Variants in CLYBL observed in about 807,000 individuals in gnomAD.
CLYBL encodes the protein citramalyl-CoA lyase.
Under a neutral mutation model 38.9 loss-of-function variants are expected in CLYBL, and 31 were observed. The observed-to-expected ratio is 0.80, with a 90% CI of 0.60 to 1.08. The LOEUF is 1.08. Among genes scored for constraint, CLYBL ranks in the 50% least tolerant of loss-of-function variants. The pLI is 0.00. For missense variants in CLYBL, 434 were observed against 411.6 expected, an observed-to-expected ratio of 1.05 and a Z score of -0.47; for synonymous variants, 171 against 158.6, an observed-to-expected ratio of 1.08 and a Z score of -0.59.
At chr13:99,765,417 G>A (rs76385621) in intron 1 of CLYBL, among the ~76,000 whole-genome samples, 2,917 of 152,090 alleles carry the variant, frequency 0.019, 50 homozygotes, top group South Asian at 0.049. Flanking sequence ...TCTGTTTGGT[G>A]TTCTCTAACC....
intron 1 of CLYBL, among the ~76,000 whole-genome samples, chr13:99,704,759 G>C (rs1014659513): frequency 2.6e-5 from 4 of 152,168 alleles, no homozygotes; most frequent in Non-Finnish European, 5.9e-5. Context: ...GCAGGTGATG[G>C]TAGTACACTT....
chr13:99,795,053 T>C (rs1018796875), intron 2 of CLYBL, among the ~76,000 whole-genome samples: 1 of 152,218 alleles, frequency 6.6e-6, no homozygotes, highest in Non-Finnish European at 1.5e-5. Context: ...TTAAATCTTA[T>C]TCTGTACCGG....
At chr13:99,782,776 T>C (rs779272220) in intron 2 of CLYBL, among the ~76,000 whole-genome samples, 4 of 152,186 alleles carry the variant, frequency 2.6e-5, no homozygotes, top group Non-Finnish European at 5.9e-5. Context: ...TTCATGTCTT[T>C]TATCCATTTT....
At chr13:99,680,985 C>A (rs1385793777) in intron 1 of CLYBL, among the ~76,000 whole-genome samples, 17 of 152,146 alleles carry the variant, frequency 1.1e-4, no homozygotes, top group Admixed American at 1.1e-3. Flanking sequence ...TTGAGTTGTC[C>A]TATAAATTAA....
rs139071037 is a variant in CLYBL at position 99,794,378 on chromosome 13, C to T, written c.249+21368C>T. On this transcript the variant is annotated intron_variant, in intron 2 of 8. Coordinates refer to ENST00000339105, the MANE Select transcript of CLYBL (RefSeq NM_206808.5). ...GAGGTTGCAGTGAGCCAAGATTGCA[C>T]CACTGCACTCCAGCGTGGCTGACAA... is the stretch of plus-strand genomic sequence containing the variant. Among the ~76,000 whole-genome samples the T allele has an allele frequency of 4.0e-3, 606 of 152,128 alleles. 3 individuals are homozygous for T. Among genetic ancestry groups the T allele is most frequent in the African/African-American group, 0.014 (575 of 41,504 alleles).
chr13:99,641,621 G>A lies in CLYBL; in HGVS notation c.62+34864G>A, dbSNP rs773886799. ...AGATCAAGACCATCCTGGCTAGCAC[G>A]GTGAAACCCCATCTCTACTAAAAAT... On this transcript the variant is annotated intron_variant, in intron 1 of 8. Transcript: ENST00000339105. Among the ~76,000 whole-genome samples, 9 of 150,708 alleles carry A rather than the reference G, an allele frequency of 6.0e-5. No individual in the cohort carries two copies. In the East Asian group the frequency reaches 1.0e-3, roughly 17 times the overall value.
chr13:99,635,349 T>C (rs1391719603), intron 1 of CLYBL, among the ~76,000 whole-genome samples: 1 of 152,006 alleles, frequency 6.6e-6, no homozygotes, highest in East Asian at 1.9e-4. Flanking sequence ...TTGAGACTTC[T>C]CCAGTGTTTG....
intron 2 of CLYBL, among the ~76,000 whole-genome samples, chr13:99,835,869 C>T (rs1381278183): frequency 2.6e-5 from 4 of 152,078 alleles, no homozygotes; most frequent in Non-Finnish European, 4.4e-5. Context: ...GCACAGTTAA[C>T]CAGGAAGTCC....
intron 2 of CLYBL, among the ~76,000 whole-genome samples, chr13:99,807,112 T>C (rs1279813714): frequency 6.6e-6 from 1 of 152,234 alleles, no homozygotes; most frequent in Non-Finnish European, 1.5e-5. Context: ...AGTAGCCTCC[T>C]GTCTCCAGCC....
chr13:99,799,377 T>TCACACACACACACACA (rs142411916), intron 2 of CLYBL, among the ~76,000 whole-genome samples: 12,170 of 150,168 alleles, frequency 0.081, 866 homozygotes, highest in African/African-American at 0.19. Flanking sequence ...ATACACACAT[T>TCACACACACACACACA]CACACACACA....
At chr13:99,836,065 G>T (rs2139098218) in intron 2 of CLYBL, among the ~76,000 whole-genome samples, 1 of 152,268 alleles carries the variant, frequency 6.6e-6, no homozygotes, top group East Asian at 1.9e-4. Flanking sequence ...GAAAAGTGAG[G>T]CCAAAGTATG....
intron 2 of CLYBL, among the ~76,000 whole-genome samples, chr13:99,840,781 G>T (rs9513674): frequency 4.5e-5 from 3 of 66,784 alleles, no homozygotes; most frequent in African/African-American, 1.7e-4. Context: ...AAAAAAAAAA[G>T]GGTTACATAT....
chr13:99,791,020 G>C lies in CLYBL; in HGVS notation c.249+18010G>C, dbSNP rs117043387. On this transcript the variant is annotated intron_variant, in intron 2 of 8. Coordinates refer to ENST00000339105, the MANE Select transcript of CLYBL (RefSeq NM_206808.5). ...TGTAAAGAGTAGAGATCTATTTGGA[G>C]TCTAAACCAAAGAATTGTGATTTGA... is the stretch of plus-strand genomic sequence containing the variant. Among the ~76,000 whole-genome samples, 835 of 152,220 alleles carry C rather than the reference G, an allele frequency of 5.5e-3. 4 individuals carry two copies. The highest frequency in any genetic ancestry group is 0.012 in the Admixed American group (190 of 15,268).
At chr13:99,645,032 C>T (rs943858102) in intron 1 of CLYBL, among the ~76,000 whole-genome samples, 2 of 152,156 alleles carry the variant, frequency 1.3e-5, no homozygotes, top group African/African-American at 4.8e-5. Context: ...TGGGTATATA[C>T]CTAGCATTGG....
chr13:99,843,303 G>A (rs962120337), intron 2 of CLYBL, among the ~76,000 whole-genome samples: 2 of 152,138 alleles, frequency 1.3e-5, no homozygotes, highest in African/African-American at 2.4e-5. Context: ...ATCATCTTTC[G>A]GGAATCAGGG....
chr13:99,609,463 C>T lies in CLYBL; in HGVS notation c.62+2706C>T, dbSNP rs371436331. Among the ~76,000 whole-genome samples the T allele has an allele frequency of 2.6e-5, 4 of 152,150 alleles. No individual in the cohort carries two copies. The East Asian group carries it at 5.8e-4, about 22-fold the overall frequency. The stretch of plus-strand genomic sequence containing the variant: ...GTGCTGGGATTACAGGTGTGAGCCA[C>T]CGTGCCCAGCCGACCTGTTTTTAGG... On this transcript the variant is annotated intron_variant, in intron 1 of 8. Transcript: ENST00000339105.
intron 2 of CLYBL, among the ~76,000 whole-genome samples, chr13:99,825,578 T>C (rs1428077993): frequency 6.6e-6 from 1 of 152,112 alleles, no homozygotes; most frequent in East Asian, 1.9e-4. Context: ...AGAATGTAAT[T>C]AGTGGGGAAG....
At chr13:99,832,995 C>CATATATAT (rs1566345599) in intron 2 of CLYBL, among the ~76,000 whole-genome samples, 13 of 46,098 alleles carry the variant, frequency 2.8e-4, no homozygotes, top group South Asian at 1.0e-3. Context: ...GTAGTATATA[C>CATATATAT]ATACATACAT....
intron 2 of CLYBL, among the ~76,000 whole-genome samples, chr13:99,814,064 C>T (rs2050394127): frequency 6.6e-6 from 1 of 152,218 alleles, no homozygotes; most frequent in South Asian, 2.1e-4. Flanking sequence ...TTTCCACTCA[C>T]AAGTGGCCCA....
Sources: gnomAD v4.1 joint callset for allele counts (sites outside exome capture counted in the v4.1 genomes callset) on GRCh38, gnomAD v4.1.1 for gene constraint, MANE v1.5 for transcripts, NCBI Gene and HGNC (gene_info 2026-07-23, HGNC 2026-07-21) for gene names.